The following KIF23 variants were observed in gnomAD, a reference collection of about 807,000 sequenced individuals.
KIF23 encodes kinesin family member 23, also known as kinesin-like protein KIF23.
A neutral mutation model predicts 137.5 loss-of-function variants in KIF23; 30 were observed. The observed-to-expected ratio is 0.22, with a 90% confidence interval of 0.16 to 0.30. The LOEUF (loss-of-function observed/expected upper bound fraction) is 0.30, where lower values mean the gene tolerates loss of function less well. Among genes scored for constraint, KIF23 ranks in the 10% least tolerant of loss-of-function variants. KIF23 has a pLI of 1.00. For missense variants in KIF23, 920 were observed against 1,194.3 expected, an observed-to-expected ratio of 0.77 and a Z score of 3.38; for synonymous variants, 367 against 391.1, an observed-to-expected ratio of 0.94 and a Z score of 0.73.
At chr15:69,435,029 C>A in intron 11 of KIF23, 1 of 580,856 alleles carries the variant, frequency 1.7e-6, no homozygotes, top group East Asian at 2.8e-5. Flanking sequence ...TGGCATCTCC[C>A]TGGTGTGGTC....
chr15:69,417,334 C>A, intron 2 of KIF23, 49 bp from the exon 3 acceptor site: 2 of 1,495,790 alleles, frequency 1.3e-6, no homozygotes, highest in South Asian at 2.8e-5. Flanking sequence ...AGTGAAAAAT[C>A]AGGCAAAAGG....
At chr15:69,439,097 C>CAAA (rs35730014) in intron 16 of KIF23, among the ~76,000 whole-genome samples, 1 of 110,816 alleles carries the variant, frequency 9.0e-6, no homozygotes. Context: ...GAGCCTGTCT[C>CAAA]AAAAAAAAAA....
rs766420062 is a variant in KIF23, at chr15:69,438,369, A to T, written c.1719A>T (p.Glu573Asp). 20 of 1,609,876 alleles carry T rather than the reference A, an allele frequency of 1.2e-5. No homozygotes were observed. The highest frequency in any genetic ancestry group is 1.7e-5 in the Non-Finnish European group (20 of 1,179,106). The change falls in exon 16 of 24, where the codon GAA (glutamate) becomes GAT (aspartate). Residue 573 changes from glutamate to aspartate, a missense_variant. Physicochemically the swap from Glu to Asp is conservative, Grantham distance 45. This residue lies in a region of KIF23 where 714 missense variants were observed against 866.2 expected (regional missense o/e 0.82). Transcript: ENST00000679126. The stretch of plus-strand genomic sequence containing the variant: ...TCTCAGGACAGAAATTGGAAATAGA[A>T]CGACTGGAAAAGAAAAACAAAACTT... ...KMISGQKLEI[E>D]RLEKKNKTLE...
intron 3 of KIF23, 122 bp downstream of exon 3, chr15:69,417,633 A>G (rs1315861767): frequency 1.9e-6 from 2 of 1,055,262 alleles, no homozygotes; most frequent in Non-Finnish European, 2.7e-6. Flanking sequence ...TATTTACTTC[A>G]TTATAACCAC....
intron 10 of KIF23, among the ~76,000 whole-genome samples, chr15:69,428,724 A>G (rs887061617): frequency 2.0e-5 from 3 of 150,720 alleles, no homozygotes; most frequent in Non-Finnish European, 3.0e-5. Flanking sequence ...TTATAAGATT[A>G]TTAAATATCT....
chr15:69,425,365 A>G lies in KIF23; in HGVS notation c.776+42A>G, dbSNP rs1232662108. The stretch of plus-strand genomic sequence containing the variant: ...GCTCTTTTCTTAAGGAGAAGGGTGC[A>G]GTTATACTATGGTTGGCATTCTGTG... On this transcript the variant is annotated intron_variant, in intron 8 of 23. Transcript: ENST00000679126. The G allele has an allele frequency of 4.1e-5, 61 of 1,495,176 alleles. No individual in the cohort carries two copies. The East Asian group carries it at 1.5e-3, about 36-fold the overall frequency. 92.6% of individuals were successfully genotyped at this position (1,495,176 alleles called of 1,614,324 possible). A position where few individuals can be genotyped will look rare whatever the true frequency, so the allele number is the denominator to read the frequency against.
At chr15:69,440,673 T>C in intron 18 of KIF23, 95 bp from the exon 19 acceptor site, 1 of 1,146,666 alleles carries the variant, frequency 8.7e-7, no homozygotes, top group Non-Finnish European at 1.2e-6. Context: ...TTATTTGTAA[T>C]GTTAAGTCTT....
intron 3 of KIF23, 68 bp from the exon 4 acceptor site, chr15:69,421,579 A>G: frequency 1.1e-6 from 1 of 945,102 alleles, no homozygotes; most frequent in Non-Finnish European, 1.7e-6. Flanking sequence ...CCTTAAGTTT[A>G]AGGAGATGTA....
chr15:69,426,501 C>G, intron 10 of KIF23, 44 bp downstream of exon 10: 1 of 1,593,096 alleles, frequency 6.3e-7, no homozygotes, highest in Non-Finnish European at 8.5e-7. Context: ...TAACTCTATC[C>G]TTAATTTTTG....
intron 19 of KIF23, 80 bp downstream of exon 19, chr15:69,441,159 C>A (rs1049612343): frequency 7.1e-6 from 9 of 1,272,786 alleles, no homozygotes; most frequent in South Asian, 1.5e-5. Flanking sequence ...TCTGAAAGTT[C>A]ATTGGAAAAA....
At chr15:69,434,855 GC>G in intron 11 of KIF23, 1 of 795,364 alleles carries the variant, frequency 1.3e-6, no homozygotes, top group East Asian at 2.5e-5. Context: ...GGGCATAGCT[GC>G]TCACGTAGTC....
At position 69,415,975 on chromosome 15, in the gene KIF23, T is replaced by A. The variant is rs1347206778; in HGVS notation, c.12-19T>A. ...TGAACTGAAAAAAAAGTTATTATTA[T>A]TTTTTAATCTATGACCAGGAGAGCT... On this transcript the variant is annotated intron_variant, in intron 1 of 23. Transcript: ENST00000679126. The A allele has an allele frequency of 5.8e-6, 9 of 1,539,264 alleles. No individual in the cohort carries two copies. Among genetic ancestry groups the A allele is most frequent in the Non-Finnish European group, 7.8e-6 (9 of 1,147,478 alleles).
chr15:69,439,831 TAAGG>T, intron 16 of KIF23, 69 bp from the exon 17 acceptor site: 1 of 1,185,314 alleles, frequency 8.4e-7, no homozygotes, highest in South Asian at 1.7e-5. Context: ...ATAAGCAAAT[TAAGG>T]AAGACTATTT....
At chr15:69,445,245 G>A (rs1300456732) in intron 20 of KIF23, among the ~76,000 whole-genome samples, 1 of 152,026 alleles carries the variant, frequency 6.6e-6, no homozygotes, top group African/African-American at 2.4e-5. Context: ...CTTTAAATAG[G>A]TATAGATTCT....
At position 69,421,258 on chromosome 15, in the gene KIF23, C is replaced by T. The variant is rs192303920; in HGVS notation, c.211-389C>T. ...TAAAAATTAGCCAGGTGTGGTGGCA[C>T]GTGCCTGTAATTCCAGCTACTTGGG... On this transcript the variant is annotated intron_variant, in intron 3 of 23. Transcript: ENST00000679126. Among the ~76,000 whole-genome samples, 415 of 152,076 alleles carry T rather than the reference C, an allele frequency of 2.7e-3. 3 individuals carry two copies. The highest frequency in any genetic ancestry group is 9.4e-3 in the African/African-American group (391 of 41,474).
chr15:69,429,800 C>A (rs543782894), intron 11 of KIF23, among the ~76,000 whole-genome samples: 2 of 152,208 alleles, frequency 1.3e-5, no homozygotes, highest in East Asian at 3.9e-4. Flanking sequence ...GCATGTGGAT[C>A]ACTTGAGCCC....
intron 3 of KIF23, among the ~76,000 whole-genome samples, chr15:69,419,083 C>T (rs906255228): frequency 6.6e-6 from 1 of 152,212 alleles, no homozygotes. Context: ...CGCCATTGCA[C>T]TCCAGCTTGG....
chr15:69,437,530 G>T (rs554015811), intron 15 of KIF23, among the ~76,000 whole-genome samples: 1 of 145,210 alleles, frequency 6.9e-6, no homozygotes, highest in Non-Finnish European at 1.5e-5. Context: ...GCGCAATCTC[G>T]GCTCACTGCA....
chr15:69,427,074 G>C (rs1163509285), intron 10 of KIF23, among the ~76,000 whole-genome samples: 1 of 152,054 alleles, frequency 6.6e-6, no homozygotes, highest in Non-Finnish European at 1.5e-5. Context: ...TTGAGGCCAG[G>C]AGTTTGAGAC....
Sources: gnomAD v4.1 joint callset for allele counts (sites outside exome capture counted in the v4.1 genomes callset) on GRCh38, gnomAD v4.1.1 for gene constraint, gnomAD v4.1.1 regional missense constraint, MANE v1.5 for transcripts, NCBI Gene and HGNC (gene_info 2026-07-23, HGNC 2026-07-21) for gene names.